Variants in DYM observed in about 807,000 individuals in gnomAD.
The protein encoded by DYM is dymeclin, also known as dyggve-Melchior-Clausen syndrome protein.
Under a neutral mutation model 93.1 loss-of-function variants are expected in DYM, and 78 were observed. That is an observed-to-expected ratio of 0.84 (90% CI 0.70 to 1.01). The LOEUF (loss-of-function observed/expected upper bound fraction) is 1.01. DYM is among the 50% of genes least tolerant of loss of function. The probability of loss-of-function intolerance (pLI) is 0.00; values close to 1 mark genes in which losing one functional copy is unlikely to be tolerated. For missense variants in DYM, 789 were observed against 845.0 expected, an observed-to-expected ratio of 0.93 and a Z score of 0.82; for synonymous variants, 321 against 319.7, an observed-to-expected ratio of 1.00 and a Z score of -0.04.
intron 15 of DYM, among the ~76,000 whole-genome samples, chr18:49,148,968 T>C (rs1337512005): frequency 1.3e-5 from 2 of 152,210 alleles, no homozygotes; most frequent in African/African-American, 4.8e-5. Flanking sequence ...TAATATTTAA[T>C]GAAATAATTA....
At chr18:49,201,882 T>C (rs1197020402) in intron 14 of DYM, among the ~76,000 whole-genome samples, 2 of 152,278 alleles carry the variant, frequency 1.3e-5, no homozygotes, top group Admixed American at 6.5e-5. Context: ...TAATGATTTT[T>C]TCCCAATGGT....
At chr18:49,174,385 G>A (rs2089141009) in intron 14 of DYM, among the ~76,000 whole-genome samples, 1 of 152,100 alleles carries the variant, frequency 6.6e-6, no homozygotes, top group African/African-American at 2.4e-5. Context: ...ACATACAGAA[G>A]TAAATTAACT....
intron 14 of DYM, among the ~76,000 whole-genome samples, chr18:49,164,063 T>C (rs1457560840): frequency 6.6e-6 from 1 of 152,042 alleles, no homozygotes; most frequent in Admixed American, 6.6e-5. Flanking sequence ...AAGATTACTA[T>C]AGGGAAAAGA....
intron 14 of DYM, among the ~76,000 whole-genome samples, chr18:49,202,704 G>A (rs1212304287): frequency 1.6e-4 from 14 of 89,976 alleles, no homozygotes; most frequent in Admixed American, 1.2e-3. Flanking sequence ...GGGAGGTGAG[G>A]AGCGTCTATG....
At chr18:49,245,958 G>A (rs1296157502) in intron 13 of DYM, among the ~76,000 whole-genome samples, 3 of 152,130 alleles carry the variant, frequency 2.0e-5, no homozygotes, top group African/African-American at 7.2e-5. Flanking sequence ...GAAATATTGG[G>A]GGCTGGTTCC....
chr18:49,174,809 G>C (rs926727553), intron 14 of DYM, among the ~76,000 whole-genome samples: 4 of 152,076 alleles, frequency 2.6e-5, no homozygotes, highest in African/African-American at 9.7e-5. Context: ...TGCAAGAAGA[G>C]AGAATGAAGT....
At chr18:49,455,709 T>A (rs910997873) in intron 1 of DYM, among the ~76,000 whole-genome samples, 7 of 152,150 alleles carry the variant, frequency 4.6e-5, no homozygotes, top group Non-Finnish European at 1.0e-4. Context: ...CCCAGCACTT[T>A]GGGAGGCCGA....
At chr18:49,407,650 G>A (rs2071662404) in intron 2 of DYM, among the ~76,000 whole-genome samples, 1 of 152,220 alleles carries the variant, frequency 6.6e-6, no homozygotes. Context: ...AGCCATTCAT[G>A]AGGGATCTGC....
intron 8 of DYM, among the ~76,000 whole-genome samples, chr18:49,327,280 C>G (rs1233589695): frequency 6.6e-6 from 1 of 151,898 alleles, no homozygotes; most frequent in Non-Finnish European, 1.5e-5. Flanking sequence ...GATTGTTGAT[C>G]ATTCTTGAGC....
At chr18:49,295,327 A>G (rs148159369) in intron 8 of DYM, among the ~76,000 whole-genome samples, 23 of 152,312 alleles carry the variant, frequency 1.5e-4, no homozygotes, top group Admixed American at 8.5e-4. Context: ...AAAACTTTAG[A>G]TTTAGCTGGG....
chr18:49,212,792 C>T (rs12961466), intron 13 of DYM, among the ~76,000 whole-genome samples: 91,736 of 151,816 alleles, frequency 0.6, 30,053 homozygotes, highest in Non-Finnish European at 0.74. Context: ...CCACCATGTC[C>T]GGCCTAATTT....
chr18:49,163,876 A>G (rs944486370), intron 14 of DYM, 89 bp from the exon 15 acceptor site: 11 of 816,428 alleles, frequency 1.3e-5, no homozygotes, highest in Non-Finnish European at 2.3e-5. Flanking sequence ...CAGCATGTCA[A>G]TTATTCTAAA....
chr18:49,171,127 C>T (rs118057683), intron 14 of DYM, among the ~76,000 whole-genome samples: 4,932 of 152,164 alleles, frequency 0.032, 97 homozygotes, highest in Non-Finnish European at 0.048. Flanking sequence ...TGGACTGCAG[C>T]GCTTGAGAAA....
intron 13 of DYM, 81 bp downstream of exon 13, chr18:49,256,929 T>G (rs1047054684): frequency 8.2e-7 from 1 of 1,219,546 alleles, no homozygotes; most frequent in Non-Finnish European, 1.2e-6. Flanking sequence ...ACAGGTAACA[T>G]TTAAAAAGGA....
At chr18:49,169,674 C>T (rs938945140) in intron 14 of DYM, among the ~76,000 whole-genome samples, 1 of 152,146 alleles carries the variant, frequency 6.6e-6, no homozygotes, top group African/African-American at 2.4e-5. Flanking sequence ...CCTCCCTATG[C>T]CCTGCCATCT....
At chr18:49,236,465 G>A (rs951938243) in intron 13 of DYM, among the ~76,000 whole-genome samples, 2 of 143,394 alleles carry the variant, frequency 1.4e-5, no homozygotes, top group Non-Finnish European at 3.1e-5. Flanking sequence ...GGGCGACAGA[G>A]CGAGACTCTG....
At chr18:49,400,706 A>G (rs4939580) in intron 2 of DYM, among the ~76,000 whole-genome samples, 128,449 of 148,750 alleles carry the variant, frequency 0.86, 54,436 homozygotes, top group African/African-American at 0.9. Context: ...CACACCAATT[A>G]TTTGTTACAT....
At chr18:49,329,180 A>G (rs1313515122) in intron 8 of DYM, among the ~76,000 whole-genome samples, 1 of 151,546 alleles carries the variant, frequency 6.6e-6, no homozygotes, top group Non-Finnish European at 1.5e-5. Context: ...AAACTATTGC[A>G]AGGACAGAAA....
At chr18:49,210,620 G>A (rs930762356) in intron 13 of DYM, among the ~76,000 whole-genome samples, 3 of 152,120 alleles carry the variant, frequency 2.0e-5, no homozygotes, top group Admixed American at 6.5e-5. Flanking sequence ...TACTATAATG[G>A]TGGATACATA....
Sources: allele counts gnomAD v4.1 joint callset (sites outside exome capture counted in the v4.1 genomes callset), GRCh38; gene constraint gnomAD v4.1.1; transcripts MANE v1.5; gene names NCBI Gene and HGNC (gene_info 2026-07-23, HGNC 2026-07-21).